Variants in CREB5 observed in about 807,000 individuals in gnomAD.
CREB5 encodes cyclic AMP-responsive element-binding protein 5.
In CREB5, 19 loss-of-function variants were observed where a neutral mutation model predicts 57.1. The observed-to-expected ratio is 0.33, with a 90% confidence interval of 0.23 to 0.49. The LOEUF (loss-of-function observed/expected upper bound fraction) is 0.49. Ranked by LOEUF, CREB5 falls within the 20% of genes least tolerant of loss-of-function variation. CREB5 has a pLI of 0.99. For missense variants in CREB5, 579 were observed against 671.6 expected, an observed-to-expected ratio of 0.86 and a Z score of 1.52; for synonymous variants, 238 against 238.3, an observed-to-expected ratio of 1.00 and a Z score of 0.01.
chr7:28,313,779 G>A (rs923402665), intron 1 of CREB5, among the ~76,000 whole-genome samples: 1 of 152,170 alleles, frequency 6.6e-6, no homozygotes, highest in Non-Finnish European at 1.5e-5. Flanking sequence ...TTTCAGCAAC[G>A]AAATGCATAT....
At chr7:28,729,870 A>T (rs1803518839) in intron 7 of CREB5, among the ~76,000 whole-genome samples, 1 of 152,196 alleles carries the variant, frequency 6.6e-6, no homozygotes, top group Admixed American at 6.5e-5. Flanking sequence ...CATGATGATG[A>T]TGGGCTGAAG....
At chr7:28,336,499 G>A (rs1238317998) in intron 1 of CREB5, among the ~76,000 whole-genome samples, 1 of 151,656 alleles carries the variant, frequency 6.6e-6, no homozygotes, top group Non-Finnish European at 1.5e-5. Context: ...GCTCATAGTA[G>A]CCTCTAAAGA....
intron 1 of CREB5, among the ~76,000 whole-genome samples, chr7:28,400,273 C>G (rs906819032): frequency 6.6e-6 from 1 of 152,160 alleles, no homozygotes; most frequent in Non-Finnish European, 1.5e-5. Context: ...ATTACTTAGC[C>G]TCACTGAGCT....
Position 28,462,792 on chromosome 7 carries a change from AT to A in CREB5, c.4-25377del, listed in dbSNP as rs554731890. On this transcript the variant is annotated intron_variant, in intron 1 of 10. Coordinates refer to ENST00000357727, the MANE Select transcript of CREB5 (RefSeq NM_182898.4). ...TTTTTTATTGTTTAGTTGCAAGAAT[AT>A]TTTTTAGTACATATTCTGGATACTA... 7.9e-5 allele frequency among the ~76,000 whole-genome samples: 12 copies of A among 152,228 alleles called. No homozygotes were observed. In the East Asian group the frequency reaches 2.3e-3, roughly 29 times the overall value.
In CREB5 at chr7:28,443,933, G is replaced by A. The variant is rs10268847; in HGVS notation, c.3+31016G>A. The stretch of plus-strand genomic sequence containing the variant: ...GCGGTATTGGTAGATCCTGATACAA[G>A]TCAGAATGGTGTTTTGAGGTGGAAT... On this transcript the variant is annotated intron_variant, in intron 1 of 10. Coordinates refer to ENST00000357727, the MANE Select transcript of CREB5 (RefSeq NM_182898.4). Among the ~76,000 whole-genome samples the A allele has an allele frequency of 2.8e-3, 432 of 152,300 alleles. 4 individuals carry two copies. The highest frequency in any genetic ancestry group is 4.7e-3 in the Non-Finnish European group (317 of 68,038).
intron 1 of CREB5, among the ~76,000 whole-genome samples, chr7:28,460,796 T>G: frequency 6.6e-6 from 1 of 150,664 alleles, no homozygotes; most frequent in African/African-American, 2.4e-5. Context: ...TGTCGGGGAG[T>G]TGTCGGGGGA....
chr7:28,430,803 TG>T (rs1193441720), intron 1 of CREB5, among the ~76,000 whole-genome samples: 2 of 152,174 alleles, frequency 1.3e-5, no homozygotes, highest in African/African-American at 4.8e-5. Context: ...AGAGTTTCTG[TG>T]GGTCAGGAAT....
At chr7:28,605,653 G>A (rs1504052) in intron 5 of CREB5, among the ~76,000 whole-genome samples, 54 of 152,154 alleles carry the variant, frequency 3.5e-4, no homozygotes, top group South Asian at 1.0e-3. Context: ...AATGGCACTC[G>A]TCCATCTCTG....
At chr7:28,737,584 T>TATATATATATATATATATAA (rs1562606948) in intron 7 of CREB5, among the ~76,000 whole-genome samples, 1 of 27,560 alleles carries the variant, frequency 3.6e-5, no homozygotes, top group African/African-American at 1.1e-4. Context: ...TATATATATA[T>TATATATATATATATATATAA]ATATTTTTAA....
chr7:28,740,675 C>T (rs1456805374), intron 7 of CREB5, among the ~76,000 whole-genome samples: 4 of 152,144 alleles, frequency 2.6e-5, no homozygotes, highest in Non-Finnish European at 4.4e-5. Context: ...TTTCCAGATC[C>T]CTCTTTAAAA....
chr7:28,718,141 G>T (rs1175242515), intron 5 of CREB5, among the ~76,000 whole-genome samples: 1 of 152,202 alleles, frequency 6.6e-6, no homozygotes, highest in Non-Finnish European at 1.5e-5. Context: ...GCTGGTAATT[G>T]GAGGCTAGGC....
intron 5 of CREB5, among the ~76,000 whole-genome samples, chr7:28,692,044 G>A (rs977165366): frequency 4.0e-5 from 6 of 151,550 alleles, no homozygotes; most frequent in African/African-American, 1.5e-4. Context: ...AAATTAGCTG[G>A]GCGTGGTGGC....
intron 5 of CREB5, among the ~76,000 whole-genome samples, chr7:28,596,828 AGCTATTATTATTATT>A (rs1796705137): frequency 6.6e-6 from 1 of 152,234 alleles, no homozygotes; most frequent in South Asian, 2.1e-4. Context: ...CCAAAGTGTT[AGCTATTATTATTATT>A]GCTATTATTA....
At chr7:28,385,052 T>A (rs1169823321) in intron 1 of CREB5, among the ~76,000 whole-genome samples, 1 of 152,222 alleles carries the variant, frequency 6.6e-6, no homozygotes, top group African/African-American at 2.4e-5. Context: ...GGGTGTTTCA[T>A]TTATTACGTG....
At chr7:28,477,534 C>A (rs921602535) in intron 1 of CREB5, among the ~76,000 whole-genome samples, 1 of 152,130 alleles carries the variant, frequency 6.6e-6, no homozygotes, top group Non-Finnish European at 1.5e-5. Context: ...AGTGTGGATT[C>A]GAAAATGGTG....
intron 1 of CREB5, among the ~76,000 whole-genome samples, chr7:28,331,518 T>G (rs1785716463): frequency 6.6e-6 from 1 of 152,146 alleles, no homozygotes. Context: ...TGCAAATGAC[T>G]AAAATCTTGT....
chr7:28,751,231 C>T (rs1804959078), intron 7 of CREB5, among the ~76,000 whole-genome samples: 1 of 151,986 alleles, frequency 6.6e-6, no homozygotes, highest in Non-Finnish European at 1.5e-5. Context: ...AGAGGAAAGG[C>T]ATTCCTTCTT....
intron 1 of CREB5, among the ~76,000 whole-genome samples, chr7:28,345,784 G>C (rs1457743127): frequency 2.0e-5 from 3 of 152,212 alleles, no homozygotes; most frequent in Non-Finnish European, 4.4e-5. Flanking sequence ...ATCCATGCAG[G>C]CTCTCAGCTA....
At chr7:28,641,392 C>A (rs1204226516) in intron 5 of CREB5, among the ~76,000 whole-genome samples, 1 of 152,096 alleles carries the variant, frequency 6.6e-6, no homozygotes, top group African/African-American at 2.4e-5. Context: ...CAGGCAGTCC[C>A]CTTGCAAAAT....
Sources: gnomAD v4.1 joint callset for allele counts (sites outside exome capture counted in the v4.1 genomes callset) on GRCh38, gnomAD v4.1.1 for gene constraint, MANE v1.5 for transcripts, NCBI Gene and HGNC (gene_info 2026-07-23, HGNC 2026-07-21) for gene names.